The following PRUNE2 variants were observed in gnomAD, a reference collection of about 807,000 sequenced individuals.
The protein encoded by PRUNE2 is prune homolog 2 with BCH domain.
Under a neutral mutation model 252.0 loss-of-function variants are expected in PRUNE2, and 164 were observed. That is an observed-to-expected ratio of 0.65 (90% confidence interval 0.57 to 0.74). PRUNE2 has a LOEUF of 0.74. PRUNE2 is among the 30% of genes least tolerant of loss of function. The pLI is 0.00. For missense variants in PRUNE2, 3,495 were observed against 3,711.0 expected (o/e 0.94, Z 1.51); for synonymous variants, 1,292 against 1,350.2 (o/e 0.96, Z 0.94).
chr9:76,804,003 G>A (rs988952781), intron 6 of PRUNE2, among the ~76,000 whole-genome samples: 5 of 151,976 alleles, frequency 3.3e-5, no homozygotes, highest in South Asian at 2.1e-4. Flanking sequence ...TCTCTCCGCC[G>A]AGAACTGCAT....
chr9:76,622,789 T>C (rs1832958530), intron 17 of PRUNE2, among the ~76,000 whole-genome samples: 1 of 152,224 alleles, frequency 6.6e-6, no homozygotes. Context: ...AATAAAAAAT[T>C]ACACAGTTTT....
intron 2 of PRUNE2, among the ~76,000 whole-genome samples, chr9:76,853,189 C>G (rs1170838579): frequency 1.3e-5 from 2 of 152,158 alleles, no homozygotes; most frequent in Non-Finnish European, 1.5e-5. Context: ...TTTTACCCAG[C>G]ATTTTTATCA....
At chr9:76,727,436 G>A (rs918370232) in intron 6 of PRUNE2, among the ~76,000 whole-genome samples, 1 of 152,024 alleles carries the variant, frequency 6.6e-6, no homozygotes, top group Non-Finnish European at 1.5e-5. Context: ...TTCCTTTTTC[G>A]AAGCCAGTAA....
intron 6 of PRUNE2, among the ~76,000 whole-genome samples, chr9:76,743,546 C>T (rs148081120): frequency 1.1e-3 from 165 of 151,882 alleles, no homozygotes; most frequent in African/African-American, 3.5e-3. Context: ...ATTAAATGAC[C>T]GTCCCTCTTG....
intron 8 of PRUNE2, 35 bp downstream of exon 8, chr9:76,704,726 G>A: frequency 7.1e-7 from 1 of 1,406,040 alleles, no homozygotes; most frequent in African/African-American, 1.4e-5. Context: ...CAACGCAGCA[G>A]TTTCTTGGAA....
At chr9:76,888,813 A>G (rs2062269611) in intron 1 of PRUNE2, among the ~76,000 whole-genome samples, 1 of 151,638 alleles carries the variant, frequency 6.6e-6, no homozygotes, top group Non-Finnish European at 1.5e-5. Flanking sequence ...GTTCTCTTCT[A>G]CTTCTCCCTC....
intron 12 of PRUNE2, among the ~76,000 whole-genome samples, chr9:76,640,982 A>T (rs1189106826): frequency 6.6e-6 from 1 of 152,124 alleles, no homozygotes; most frequent in African/African-American, 2.4e-5. Context: ...CTTCTAAGAA[A>T]TTTTTTTCGA....
intron 4 of PRUNE2, among the ~76,000 whole-genome samples, chr9:76,842,367 C>G (rs2059438162): frequency 6.6e-6 from 1 of 152,132 alleles, no homozygotes; most frequent in Admixed American, 6.5e-5. Flanking sequence ...AAACATAAGA[C>G]CTAAAACCAT....
chr9:76,732,689 A>G (rs1457159170), intron 6 of PRUNE2, among the ~76,000 whole-genome samples: 2 of 152,238 alleles, frequency 1.3e-5, no homozygotes, highest in Non-Finnish European at 2.9e-5. Context: ...TAAGACTCAA[A>G]GAGCATTTAT....
At position 76,710,099 on chromosome 9, in the gene PRUNE2, C is replaced by G. The variant is rs1166811139; in HGVS notation, c.2175G>C (p.Leu725=). ...TTTTGTCTTGAATATCATTGCTACCCAGTTCAGGCTGACCAAATTCAGACT... is the reference window on the plus strand; with the variant it reads ...TTTTGTCTTGAATATCATTGCTACCGAGTTCAGGCTGACCAAATTCAGACT... ...PWESEFGQPE[L]GSNDIQDKNE... The change falls in exon 8 of 19, where the codon CTG becomes CTC. Residue 725 remains leucine (L), a synonymous_variant. Coordinates refer to ENST00000376718, the MANE Select transcript of PRUNE2 (RefSeq NM_015225.3). The G allele has an allele frequency of 3.7e-6, 6 of 1,613,826 alleles. No homozygotes were observed. Among genetic ancestry groups the G allele is most frequent in the Non-Finnish European group, 5.1e-6 (6 of 1,179,900 alleles).
intron 1 of PRUNE2, among the ~76,000 whole-genome samples, chr9:76,854,594 A>T (rs998773547): frequency 6.6e-6 from 1 of 152,192 alleles, no homozygotes; most frequent in Non-Finnish European, 1.5e-5. Flanking sequence ...GACTTTTTTC[A>T]TATGTGTCTG....
intron 15 of PRUNE2, 26 bp from the exon 16 acceptor site, chr9:76,629,316 A>C (rs768642193): frequency 4.7e-5 from 56 of 1,201,760 alleles, no homozygotes; most frequent in Non-Finnish European, 6.4e-5. Context: ...AGAAAAAAAT[A>C]TGTATCATTA....
Position 76,709,479 on chromosome 9 carries a change from T to C in PRUNE2, c.2795A>G (p.Asp932Gly), listed in dbSNP as rs1257150537. ...FEENMKKGGSDVLVPWEDSFL... is the reference protein window; with the variant it reads ...FEENMKKGGSGVLVPWEDSFL... ...GGAATCTTCCCAAGGAACTAGGACA[T>C]CTGACCCTCCTTTCTTCATATTCTC... The change falls in exon 8 of 19, where the codon GAT becomes GGT. Residue 932 changes from aspartate (D) to glycine (G), a missense_variant. Asp to Gly is a moderately conservative substitution (Grantham distance 94). Transcript: ENST00000376718. The C allele has an allele frequency of 6.2e-7, 1 of 1,614,022 alleles. No homozygotes were observed. The highest frequency in any genetic ancestry group is 8.5e-7 in the Non-Finnish European group (1 of 1,179,880).
Position 76,703,849 on chromosome 9 carries a change from T to A in PRUNE2, c.7764A>T (p.Gly2588=), listed in dbSNP as rs1418692098. ...YVGSKETGLQ[G]TQLASFPDTC... ...TGTCTGGGAAGCTTGCTAACTGAGT[T>A]CCCTGCAGCCCTGTTTCTTTGGAAC... The change falls in exon 9 of 19, where the codon GGA becomes GGT. Residue 2588 remains glycine, a synonymous_variant. Transcript: ENST00000376718. 5 of 1,613,910 alleles carry A rather than the reference T, an allele frequency of 3.1e-6. No homozygotes were observed. The highest frequency in any genetic ancestry group is 4.2e-6 in the Non-Finnish European group (5 of 1,179,908).
chr9:76,875,585 C>T (rs943118429), intron 1 of PRUNE2, among the ~76,000 whole-genome samples: 3 of 152,074 alleles, frequency 2.0e-5, no homozygotes, highest in Admixed American at 1.3e-4. Flanking sequence ...AGGCTGGTCT[C>T]AAACTCCTGA....
Position 76,708,251 on chromosome 9 carries a change from TTCA to T in PRUNE2, c.4020_4022del (p.Asp1340del). On this transcript the variant is annotated inframe_deletion, in exon 8 of 19. Transcript: ENST00000376718. ...CCACACCAGAGGCGATCACCTCCTCTTCATCAAGGTGCCCCCTGTCAGTGGCTC... is the reference window on the plus strand; with the variant it reads ...CCACACCAGAGGCGATCACCTCCTCTTCAAGGTGCCCCCTGTCAGTGGCTC... The T allele has an allele frequency of 1.2e-6, 2 of 1,613,906 alleles. No individual in the cohort carries two copies. The highest frequency in any genetic ancestry group is 1.3e-5 in the African/African-American group (1 of 75,050).
At chr9:76,752,097 GTT>G (rs1411263754) in intron 6 of PRUNE2, among the ~76,000 whole-genome samples, 2 of 21,354 alleles carry the variant, frequency 9.4e-5, no homozygotes, top group Non-Finnish European at 7.2e-5. Context: ...TTTTTTTTTG[GTT>G]TTTTTTTTTT....
At chr9:76,885,133 A>G (rs777633722) in intron 1 of PRUNE2, among the ~76,000 whole-genome samples, 9 of 143,562 alleles carry the variant, frequency 6.3e-5, no homozygotes, top group Non-Finnish European at 1.0e-4. Context: ...ATAAAGGGGG[A>G]AAAAAATCAA....
intron 6 of PRUNE2, among the ~76,000 whole-genome samples, chr9:76,749,424 A>C (rs1339829603): frequency 1.3e-5 from 2 of 152,246 alleles, no homozygotes; most frequent in Non-Finnish European, 2.9e-5. Flanking sequence ...GAATCCATCT[A>C]TGACCTGTAA....
Sources: allele counts gnomAD v4.1 joint callset (sites outside exome capture counted in the v4.1 genomes callset), GRCh38; gene constraint gnomAD v4.1.1; transcripts MANE v1.5; gene names NCBI Gene and HGNC (gene_info 2026-07-23, HGNC 2026-07-21).